Variants in BRINP1 observed in about 807,000 individuals in gnomAD.
BRINP1 encodes the protein BMP/retinoic acid inducible neural specific 1.
Under a neutral mutation model 72.9 loss-of-function variants are expected in BRINP1, and 17 were observed. The ratio of observed to expected loss-of-function variants is 0.23; its 90% CI spans 0.16 to 0.35. The LOEUF (loss-of-function observed/expected upper bound fraction) is 0.35, where lower values mean the gene tolerates loss of function less well. BRINP1 is among the 10% of genes least tolerant of loss of function. The pLI is 1.00. For synonymous variants in BRINP1, 418 were observed against 378.5 expected (o/e 1.10, Z -1.21); for missense variants, 850 against 1,001.6 (o/e 0.85, Z 2.04).
chr9:119,228,746 G>C (rs1386943767), intron 5 of BRINP1, among the ~76,000 whole-genome samples: 1 of 152,022 alleles, frequency 6.6e-6, no homozygotes, highest in Non-Finnish European at 1.5e-5. Context: ...GCGCGTGTTG[G>C]TTATTATCAT....
chr9:119,320,705 A>T (rs990524312), intron 1 of BRINP1, among the ~76,000 whole-genome samples: 6 of 152,188 alleles, frequency 3.9e-5, no homozygotes, highest in African/African-American at 1.4e-4. Flanking sequence ...TGTCAGTGGA[A>T]GAAAGGAAAA....
At position 119,175,129 on chromosome 9, in the gene BRINP1, A is replaced by AG. The variant is rs577656899; in HGVS notation, c.1146-6906_1146-6905insC. Among the ~76,000 whole-genome samples, 60 of 150,562 alleles carry AG rather than the reference A, an allele frequency of 4.0e-4. 1 individual carries two copies. The highest frequency in any genetic ancestry group is 1.4e-3 in the African/African-American group (58 of 40,420). ...ACTTAAAGTAAAGTATAAAAAAAAA[A>AG]AAAGACAAAAAAAAAAAGAAAATGT... is the stretch of plus-strand genomic sequence containing the variant. On this transcript the variant is annotated intron_variant, in intron 7 of 7. Coordinates refer to ENST00000265922, the MANE Select transcript of BRINP1 (RefSeq NM_014618.3).
intron 5 of BRINP1, among the ~76,000 whole-genome samples, chr9:119,218,275 G>C (rs1830001610): frequency 6.7e-6 from 1 of 149,644 alleles, no homozygotes; most frequent in Non-Finnish European, 1.5e-5. Flanking sequence ...CACAATCTCA[G>C]GTCACTGCAA....
intron 2 of BRINP1, among the ~76,000 whole-genome samples, chr9:119,281,480 GAGA>G (rs925264918): frequency 1.3e-5 from 2 of 152,134 alleles, no homozygotes; most frequent in African/African-American, 2.4e-5. Flanking sequence ...AGGGATCAGG[GAGA>G]AGAAGGGAGG....
chr9:119,168,743 G>A (rs552967276), intron 7 of BRINP1, among the ~76,000 whole-genome samples: 17 of 126,452 alleles, frequency 1.3e-4, no homozygotes, highest in East Asian at 6.7e-4. Flanking sequence ...TTTATCATAC[G>A]CTAGAAATCA....
chr9:119,358,559 C>T (rs4607685), intron 1 of BRINP1, among the ~76,000 whole-genome samples: 3,277 of 152,068 alleles, frequency 0.022, 51 homozygotes, highest in South Asian at 0.042. Context: ...CCGGGCATGG[C>T]GGCGTGTGCC....
intron 6 of BRINP1, among the ~76,000 whole-genome samples, chr9:119,210,770 G>A (rs765269181): frequency 2.0e-5 from 3 of 152,196 alleles, no homozygotes; most frequent in Non-Finnish European, 2.9e-5. Context: ...GTGCTGAACA[G>A]CTGTGGGACC....
intron 2 of BRINP1, among the ~76,000 whole-genome samples, chr9:119,312,462 G>C (rs547041261): frequency 2.0e-4 from 31 of 152,100 alleles, no homozygotes; most frequent in Non-Finnish European, 3.4e-4. Flanking sequence ...TTAGTGTAGA[G>C]AGCTGTGGAT....
chr9:119,166,930 G>GTTTTCATTTCCAACAAATGAAGA lies in BRINP1; in HGVS notation c.*131_*153dup. The GTTTTCATTTCCAACAAATGAAGA allele has an allele frequency of 1.2e-6, 1 of 813,918 alleles. No homozygotes were observed. The highest frequency in any genetic ancestry group is 1.9e-6 in the Non-Finnish European group (1 of 519,130). The allele number at this position is 813,918 out of a possible 1,614,324, so 50.4% of individuals were successfully genotyped here. A position where few individuals can be genotyped will look rare whatever the true frequency, so the allele number is the denominator to read the frequency against. ...AACGCTTTTATACAGTTGCTAGAAC[G>GTTTTCATTTCCAACAAATGAAGA]TTTTCATTTCCAACAAATGAAGATT... On this transcript the variant is annotated 3_prime_UTR_variant, in exon 8 of 8. Transcript: ENST00000265922.
At chr9:119,256,861 T>C (rs1025047558) in intron 2 of BRINP1, among the ~76,000 whole-genome samples, 2 of 152,212 alleles carry the variant, frequency 1.3e-5, no homozygotes, top group African/African-American at 4.8e-5. Context: ...AGGGTTCTTT[T>C]ACTCTTCTCA....
At chr9:119,218,507 T>C (rs185100569) in intron 5 of BRINP1, among the ~76,000 whole-genome samples, 2 of 152,060 alleles carry the variant, frequency 1.3e-5, no homozygotes, top group East Asian at 2.0e-4. Context: ...CTTTGAACTT[T>C]AAACGCTTCC....
chr9:119,337,309 C>T (rs971877082), intron 1 of BRINP1, among the ~76,000 whole-genome samples: 9 of 152,184 alleles, frequency 5.9e-5, no homozygotes, highest in East Asian at 1.9e-4. Context: ...AAAGGGAATA[C>T]GGTGACAAAT....
chr9:119,248,692 C>T (rs1564228206), intron 3 of BRINP1, among the ~76,000 whole-genome samples: 1 of 152,186 alleles, frequency 6.6e-6, no homozygotes, highest in Non-Finnish European at 1.5e-5. Context: ...TTAGGCATTT[C>T]TAACAAATGG....
chr9:119,282,433 G>A (rs1321545936), intron 2 of BRINP1, among the ~76,000 whole-genome samples: 1 of 152,200 alleles, frequency 6.6e-6, no homozygotes, highest in Non-Finnish European at 1.5e-5. Context: ...AAGGAAGTTG[G>A]CATCTGATCA....
intron 7 of BRINP1, among the ~76,000 whole-genome samples, chr9:119,176,389 G>A (rs1829489829): frequency 6.6e-6 from 1 of 152,164 alleles, no homozygotes; most frequent in South Asian, 2.1e-4. Flanking sequence ...GGTAGGAAGT[G>A]TTAACAATCC....
At chr9:119,350,909 T>G (rs1263289819) in intron 1 of BRINP1, among the ~76,000 whole-genome samples, 1 of 152,078 alleles carries the variant, frequency 6.6e-6, no homozygotes, top group East Asian at 1.9e-4. Context: ...TGTCTTTTTT[T>G]TTTTTTTTAC....
At chr9:119,260,536 A>ATTTG (rs902858250) in intron 2 of BRINP1, among the ~76,000 whole-genome samples, 1 of 152,192 alleles carries the variant, frequency 6.6e-6, no homozygotes, top group African/African-American at 2.4e-5. Flanking sequence ...TAGATCAGTG[A>ATTTG]TTTGTTTGTT....
intron 7 of BRINP1, among the ~76,000 whole-genome samples, chr9:119,177,814 CTG>C (rs1829506634): frequency 6.6e-6 from 1 of 152,166 alleles, no homozygotes; most frequent in Non-Finnish European, 1.5e-5. Context: ...CAGAGGGCCT[CTG>C]AGATACATTC....
At chr9:119,221,921 T>G (rs1280385970) in intron 5 of BRINP1, among the ~76,000 whole-genome samples, 1 of 152,100 alleles carries the variant, frequency 6.6e-6, no homozygotes, top group Non-Finnish European at 1.5e-5. Context: ...CCATCAAAGA[T>G]TCAGATGGCA....
Sources: allele counts gnomAD v4.1 joint callset (sites outside exome capture counted in the v4.1 genomes callset), GRCh38; gene constraint gnomAD v4.1.1; transcripts MANE v1.5; gene names NCBI Gene and HGNC (gene_info 2026-07-23, HGNC 2026-07-21).